GRK5: variants seen among roughly 807,000 people sequenced by gnomAD.
The protein encoded by GRK5 is G protein-coupled receptor kinase 5.
In GRK5, 40 loss-of-function variants were observed where a neutral mutation model predicts 78.4. That is an observed-to-expected ratio of 0.51 (90% CI 0.40 to 0.66). GRK5 has a LOEUF of 0.66. Ranked by LOEUF, GRK5 falls within the 30% of genes least tolerant of loss-of-function variation. The pLI is 0.00. For synonymous variants in GRK5, 289 were observed against 296.8 expected (o/e 0.97, Z 0.27); for missense variants, 598 against 759.9 (o/e 0.79, Z 2.50).
rs1030275065 is a variant in GRK5 at position 119,445,682 on chromosome 10, TGCA to T, written c.1266+1934_1266+1936del. ...CTTAGGCCTCCTTCACGCCCTTGACTGCAGCATCTCCGGCATCTAGGCCTACCT... is the reference window on the plus strand; with the variant it reads ...CTTAGGCCTCCTTCACGCCCTTGACTGCATCTCCGGCATCTAGGCCTACCT... On this transcript the variant is annotated intron_variant, in intron 12 of 15. Transcript: ENST00000392870. The surrounding 1 kb of genome is among the most constrained non-coding windows in gnomAD (Gnocchi z 4.1). 2.0e-5 allele frequency among the ~76,000 whole-genome samples: 3 copies of T among 152,196 alleles called. No individual in the cohort carries two copies. Among genetic ancestry groups the T allele is most frequent in the African/African-American group, 7.2e-5 (3 of 41,450 alleles).
chr10:119,312,411 G>T (rs1850374806), intron 1 of GRK5, among the ~76,000 whole-genome samples: 1 of 152,206 alleles, frequency 6.6e-6, no homozygotes, highest in Non-Finnish European at 1.5e-5. Flanking sequence ...GGAGCAGCTG[G>T]AGCAGCCAGA....
Position 119,379,317 on chromosome 10 carries a change from C to G in GRK5, c.149-1498C>G, listed in dbSNP as rs1449502082. 1.3e-5 allele frequency among the ~76,000 whole-genome samples: 2 copies of G among 152,088 alleles called. No individual in the cohort carries two copies. Among genetic ancestry groups the G allele is most frequent in the Middle Eastern group, 3.2e-3 (1 of 316 alleles). On this transcript the variant is annotated intron_variant, in intron 2 of 15. Transcript: ENST00000392870. The surrounding 1 kb of genome is among the most constrained non-coding windows in gnomAD (Gnocchi z 4.1). ...TGCCCCAGGTTACACAGGCAGTGAGCGATGGGCTGGGATTCAAACCAAGGC... is the reference window on the plus strand; with the variant it reads ...TGCCCCAGGTTACACAGGCAGTGAGGGATGGGCTGGGATTCAAACCAAGGC...
intron 6 of GRK5, among the ~76,000 whole-genome samples, chr10:119,428,409 G>A (rs545760730): frequency 6.6e-6 from 1 of 152,228 alleles, no homozygotes; most frequent in Admixed American, 6.5e-5. Flanking sequence ...ACCCCCAGAG[G>A]GGGGCATGCC....
At position 119,457,857 on chromosome 10, in the gene GRK5, T is replaced by C. The variant is rs1035299807; in HGVS notation, c.*2790T>C. On this transcript the variant is annotated 3_prime_UTR_variant, in exon 16 of 16. Transcript: ENST00000392870. ...GTGCACCACCATACTCAGCTAATTTTTAAAATTTTTTGTAGAGATGGGGGG... is the reference window on the plus strand; with the variant it reads ...GTGCACCACCATACTCAGCTAATTTCTAAAATTTTTTGTAGAGATGGGGGG... The C allele has an allele frequency of 2.4e-5, 3 of 124,230 alleles. No homozygotes were observed. In the East Asian group the frequency reaches 7.0e-4, roughly 29 times the overall value. The allele number at this position is 124,230 out of a possible 1,614,324, so 7.7% of individuals were successfully genotyped here. A position where few individuals can be genotyped will look rare whatever the true frequency, so the allele number is the denominator to read the frequency against.
chr10:119,314,967 C>T (rs75531353), intron 1 of GRK5, among the ~76,000 whole-genome samples: 1,813 of 152,310 alleles, frequency 0.012, 40 homozygotes, highest in African/African-American at 0.041. Flanking sequence ...GAACGAGACC[C>T]TTGGCCTGTA....
In GRK5 at chr10:119,217,785, C is replaced by T. The variant is rs541640136; in HGVS notation, c.52+9816C>T. ...CTGCCCTGCACCCTGCTTCCCTGGC[C>T]GCTTACTGCTCCTTAGGAGGTTCTC... On this transcript the variant is annotated intron_variant, in intron 1 of 15. Transcript: ENST00000392870. This position sits in a 1 kb window ranked among gnomAD's most constrained non-coding sequence, Gnocchi z 4.1. Among the ~76,000 whole-genome samples the T allele has an allele frequency of 9.4e-4, 143 of 152,326 alleles. 2 individuals carry two copies. The highest frequency in any genetic ancestry group is 3.2e-3 in the African/African-American group (134 of 41,564).
rs76128317 is a variant in GRK5, at chr10:119,418,721, C to G, written c.340-4445C>G. 2.6e-5 allele frequency among the ~76,000 whole-genome samples: 4 copies of G among 152,200 alleles called. No individual in the cohort carries two copies. In the South Asian group the frequency reaches 8.3e-4, roughly 32 times the overall value. ...AGTTAACTTGATCCTTTCAAAGGAA[C>G]CTTGGTGCCCAAATTCACTGTTGTG... On this transcript the variant is annotated intron_variant, in intron 4 of 15. Coordinates refer to ENST00000392870, the MANE Select transcript of GRK5 (RefSeq NM_005308.3).
At chr10:119,352,960 G>T (rs1851208702) in intron 2 of GRK5, among the ~76,000 whole-genome samples, 1 of 152,216 alleles carries the variant, frequency 6.6e-6, no homozygotes, top group Non-Finnish European at 1.5e-5. Flanking sequence ...CTCCCCTGAG[G>T]ACCTGGGTTT....
At chr10:119,247,117 G>A (rs531025934) in intron 1 of GRK5, among the ~76,000 whole-genome samples, 3 of 152,288 alleles carry the variant, frequency 2.0e-5, no homozygotes, top group Admixed American at 6.5e-5. Context: ...GTGACTGTCC[G>A]TCCTAGGGCG....
intron 4 of GRK5, chr10:119,406,354 T>A: frequency 2.0e-6 from 1 of 504,396 alleles, no homozygotes; most frequent in Non-Finnish European, 2.6e-6. Flanking sequence ...TCATTCCTGA[T>A]CTCCCTTCCT....
At chr10:119,212,798 A>G (rs74157636) in intron 1 of GRK5, 1 of 152,276 alleles carries the variant, frequency 6.6e-6, no homozygotes, top group Admixed American at 6.5e-5. Flanking sequence ...GATAATTAGG[A>G]ATTTCCTCAA....
intron 13 of GRK5, 123 bp downstream of exon 13, chr10:119,448,383 G>A (rs4752312): frequency 1 from 1,127,176 of 1,128,186 alleles, 563,092 homozygotes; most frequent in Middle Eastern, 1. Flanking sequence ...TGGGGACCAG[G>A]GTCCCCTCCC....
chr10:119,207,722 C>A lies in GRK5; in HGVS notation c.-196C>A. On this transcript the variant is annotated 5_prime_UTR_variant, in exon 1 of 16. Transcript: ENST00000392870. ...GAGGAAGAAGCGGCGGCGGCGGCGG[C>A]GGCGGCGGCGGCTCCTCTTTGCAGA... is the stretch of plus-strand genomic sequence containing the variant. 1.8e-6 allele frequency: 1 copy of A among 542,560 alleles called. No homozygotes were observed. Among genetic ancestry groups the A allele is most frequent in the South Asian group, 2.2e-5 (1 of 44,740 alleles). 33.6% of individuals were successfully genotyped at this position (542,560 alleles called of 1,614,324 possible). A position where few individuals can be genotyped will look rare whatever the true frequency, so the allele number is the denominator to read the frequency against.
intron 4 of GRK5, among the ~76,000 whole-genome samples, chr10:119,402,119 C>T (rs779121855): frequency 6.6e-6 from 1 of 152,222 alleles, no homozygotes; most frequent in Non-Finnish European, 1.5e-5. Context: ...CTTCCTCTCG[C>T]AGTCCATGGC....
At position 119,429,969 on chromosome 10, in the gene GRK5, G is replaced by T. The variant is rs565569191; in HGVS notation, c.534-406G>T. 2.0e-5 allele frequency among the ~76,000 whole-genome samples: 3 copies of T among 152,278 alleles called. No homozygotes were observed. In the East Asian group the frequency reaches 5.8e-4, roughly 29 times the overall value. ...ACCTCCTTCGCGTCCTTTGTGGGACGCTGGTCCTCTGTGGCTCCTGGCCCC... is the reference window on the plus strand; with the variant it reads ...ACCTCCTTCGCGTCCTTTGTGGGACTCTGGTCCTCTGTGGCTCCTGGCCCC... On this transcript the variant is annotated intron_variant, in intron 6 of 15. Transcript: ENST00000392870.
At chr10:119,346,261 C>T (rs1285124583) in intron 2 of GRK5, among the ~76,000 whole-genome samples, 4 of 152,194 alleles carry the variant, frequency 2.6e-5, no homozygotes, top group East Asian at 1.9e-4. Context: ...GCAGCGGGGC[C>T]GAGGAGAGGT....
chr10:119,251,806 C>T (rs1849207288), intron 1 of GRK5, among the ~76,000 whole-genome samples: 2 of 152,168 alleles, frequency 1.3e-5, no homozygotes, highest in South Asian at 4.1e-4. Context: ...ATAGTTATGA[C>T]AACCAAAAAT....
intron 10 of GRK5, among the ~76,000 whole-genome samples, chr10:119,440,406 G>C (rs556879414): frequency 6.6e-6 from 1 of 151,116 alleles, no homozygotes; most frequent in African/African-American, 2.4e-5. Context: ...TTTTGAGACA[G>C]AGTCTCACTT....
intron 1 of GRK5, among the ~76,000 whole-genome samples, chr10:119,293,958 G>A (rs1309164516): frequency 6.6e-6 from 1 of 152,074 alleles, no homozygotes; most frequent in African/African-American, 2.4e-5. Context: ...TAATCCCGGG[G>A]GTCTGGGAGC....
Sources: gnomAD v4.1 joint callset for allele counts (sites outside exome capture counted in the v4.1 genomes callset) on GRCh38, gnomAD v4.1.1 for gene constraint, Gnocchi (gnomAD v3.1) non-coding constraint, MANE v1.5 for transcripts, NCBI Gene and HGNC (gene_info 2026-07-23, HGNC 2026-07-21) for gene names.